RSF1: variants seen among roughly 807,000 people sequenced by gnomAD.
RSF1 encodes the protein remodeling and spacing factor 1.
In RSF1, 13 loss-of-function variants were observed where a neutral mutation model predicts 145.2. The observed-to-expected ratio is 0.09, with a 90% CI of 0.06 to 0.14. RSF1 has a LOEUF of 0.14. Among genes scored for constraint, RSF1 ranks in the 10% least tolerant of loss-of-function variants. The probability of loss-of-function intolerance (pLI) is 1.00; values close to 1 mark genes in which losing one functional copy is unlikely to be tolerated. For missense variants in RSF1, 1,517 were observed against 1,718.2 expected (o/e 0.88, Z 2.07); for synonymous variants, 577 against 592.6 (o/e 0.97, Z 0.38).
At chr11:77,757,861 C>A (rs900161002) in intron 2 of RSF1, among the ~76,000 whole-genome samples, 21 of 152,224 alleles carry the variant, frequency 1.4e-4, no homozygotes, top group African/African-American at 4.8e-4. Context: ...TCAGGCTAAG[C>A]GTGGTGGCTC....
chr11:77,838,141 A>G, the RSF1 span, among the ~76,000 whole-genome samples: 1 of 152,192 alleles, frequency 6.6e-6, no homozygotes, highest in African/African-American at 2.4e-5. Context: ...CAGAAGTAAG[A>G]CTTTCTAATC....
chr11:77,798,529 C>G (rs774446739), intron 1 of RSF1, among the ~76,000 whole-genome samples: 8 of 122,724 alleles, frequency 6.5e-5, no homozygotes, highest in Admixed American at 3.3e-4. Context: ...TGCAGTGAGC[C>G]GAGATCATGC....
chr11:77,682,940 T>C (rs567938204), intron 11 of RSF1, among the ~76,000 whole-genome samples: 18 of 152,192 alleles, frequency 1.2e-4, no homozygotes, highest in African/African-American at 3.6e-4. Flanking sequence ...TGTGATAAGA[T>C]AGAGTTGGAG....
intron 4 of RSF1, among the ~76,000 whole-genome samples, chr11:77,736,763 A>ATC (rs1961363616): frequency 6.6e-6 from 1 of 152,182 alleles, no homozygotes; most frequent in African/African-American, 2.4e-5. Context: ...CGCATATAAT[A>ATC]TTCACCTAAA....
intron 3 of RSF1, among the ~76,000 whole-genome samples, chr11:77,743,031 C>T (rs12294668): frequency 0.4 from 60,620 of 151,930 alleles, 12,730 homozygotes; most frequent in African/African-American, 0.52. Context: ...CTGATACCAC[C>T]GTCAAAAAGC....
At chr11:77,742,770 T>C (rs890440001) in intron 3 of RSF1, among the ~76,000 whole-genome samples, 7 of 152,224 alleles carry the variant, frequency 4.6e-5, no homozygotes, top group Non-Finnish European at 1.0e-4. Context: ...TTCTGAGAAA[T>C]GTCTACTGAA....
chr11:77,826,634 T>C, the RSF1 span, among the ~76,000 whole-genome samples: 2 of 152,098 alleles, frequency 1.3e-5, no homozygotes, highest in African/African-American at 4.8e-5. Context: ...GGCTAGCCAG[T>C]CTGTCTCCAA....
chr11:77,778,191 G>GAGC (rs1359080365), intron 1 of RSF1, among the ~76,000 whole-genome samples: 4 of 23,200 alleles, frequency 1.7e-4, no homozygotes, highest in African/African-American at 4.9e-4. Flanking sequence ...GGGAGGGGTG[G>GAGC]GGGAGGGAAG....
intron 4 of RSF1, among the ~76,000 whole-genome samples, chr11:77,737,886 T>C (rs1263622694): frequency 6.6e-5 from 10 of 152,070 alleles, no homozygotes; most frequent in Non-Finnish European, 1.0e-4. Flanking sequence ...TCCCAGCACT[T>C]TGGGAGGCTG....
At chr11:77,706,875 A>G (rs1032139895) in intron 5 of RSF1, among the ~76,000 whole-genome samples, 1 of 152,062 alleles carries the variant, frequency 6.6e-6, no homozygotes, top group Non-Finnish European at 1.5e-5. Context: ...AACAGGCACA[A>G]TCTCCTGGGT....
chr11:77,857,468 ATATT>A, the RSF1 span, among the ~76,000 whole-genome samples: 1 of 152,184 alleles, frequency 6.6e-6, no homozygotes, highest in Non-Finnish European at 1.5e-5. Context: ...ATATCTACAA[ATATT>A]TATTTTTGTA....
At chr11:77,869,900 G>C in the RSF1 span, 1 of 1,350,546 alleles carries the variant, frequency 7.4e-7, no homozygotes, top group Non-Finnish European at 1.1e-6. Context: ...CTTCTTGGGA[G>C]GTCATCTTTA....
intron 1 of RSF1, among the ~76,000 whole-genome samples, chr11:77,814,651 C>T (rs964575811): frequency 1.2e-4 from 18 of 152,036 alleles, no homozygotes; most frequent in African/African-American, 3.6e-4. Flanking sequence ...TCACCATGTT[C>T]GCCAGGCTGG....
intron 2 of RSF1, among the ~76,000 whole-genome samples, chr11:77,751,673 C>T (rs1173703510): frequency 1.3e-5 from 2 of 152,148 alleles, no homozygotes; most frequent in Non-Finnish European, 2.9e-5. Flanking sequence ...AGGTCAACAA[C>T]GCTCTTAGCT....
intron 1 of RSF1, among the ~76,000 whole-genome samples, chr11:77,816,181 C>A (rs1470905152): frequency 6.6e-6 from 1 of 152,176 alleles, no homozygotes; most frequent in Non-Finnish European, 1.5e-5. Context: ...CAGGCTCTGG[C>A]CCCAGCAATA....
At chr11:77,813,661 T>C in intron 1 of RSF1, 1 of 544,742 alleles carries the variant, frequency 1.8e-6, no homozygotes. Context: ...GTTTTTCCGG[T>C]AACCTTCAAA....
chr11:77,748,549 T>C (rs986905293), intron 2 of RSF1, among the ~76,000 whole-genome samples: 9 of 151,970 alleles, frequency 5.9e-5, no homozygotes, highest in South Asian at 2.1e-4. Context: ...AAAAAGGATA[T>C]ACAGAAAAAG....
chr11:77,689,910 TC>T (rs912578855), intron 9 of RSF1, among the ~76,000 whole-genome samples: 6 of 152,196 alleles, frequency 3.9e-5, no homozygotes, highest in African/African-American at 1.2e-4. Context: ...ACGCCTGTAA[TC>T]CCAGCTCTTT....
At chr11:77,669,988 G>A (rs542040364) in intron 15 of RSF1, among the ~76,000 whole-genome samples, 2 of 152,328 alleles carry the variant, frequency 1.3e-5, no homozygotes, top group South Asian at 4.1e-4. Flanking sequence ...AAAATTAGCA[G>A]TGTGGTGGCT....
Sources: allele counts gnomAD v4.1 joint callset (sites outside exome capture counted in the v4.1 genomes callset), GRCh38; gene constraint gnomAD v4.1.1; transcripts MANE v1.5; gene names NCBI Gene and HGNC (gene_info 2026-07-23, HGNC 2026-07-21).